Variants in TNS3 observed in about 807,000 individuals in gnomAD.
TNS3 encodes tensin-3.
A neutral mutation model predicts 140.9 loss-of-function variants in TNS3; 45 were observed. The observed-to-expected ratio is 0.32, with a 90% CI of 0.25 to 0.41. The LOEUF (loss-of-function observed/expected upper bound fraction) is 0.41. Among genes scored for constraint, TNS3 ranks in the 10% least tolerant of loss-of-function variants. The probability of loss-of-function intolerance (pLI) is 1.00; values close to 1 mark genes in which losing one functional copy is unlikely to be tolerated. For missense variants in TNS3, 1,716 were observed against 1,906.7 expected, an observed-to-expected ratio of 0.90 and a Z score of 1.86; for synonymous variants, 815 against 788.4, an observed-to-expected ratio of 1.03 and a Z score of -0.56.
At chr7:47,520,268 C>A (rs1467303112) in intron 2 of TNS3, among the ~76,000 whole-genome samples, 2 of 152,142 alleles carry the variant, frequency 1.3e-5, no homozygotes, top group Non-Finnish European at 2.9e-5. Flanking sequence ...TGCCCCCCTG[C>A]CACACCTAGG....
At chr7:47,532,158 C>T (rs1001605747) in intron 1 of TNS3, among the ~76,000 whole-genome samples, 4 of 152,252 alleles carry the variant, frequency 2.6e-5, no homozygotes, top group African/African-American at 9.6e-5. Flanking sequence ...CATCTCAGAG[C>T]GGGATTGGGG....
In TNS3 at chr7:47,361,428, C is replaced by T. The variant is rs1790324977; in HGVS notation, c.2281+6937G>A. On this transcript the variant is annotated intron_variant, in intron 17 of 30. Transcript: ENST00000311160. ...CATCTGCCTGGTAAGGATCCCTCTG[C>T]CTCACAAGGCCTGGCTGAGAGGCTC... Among the ~76,000 whole-genome samples, 3 of 152,238 alleles carry T rather than the reference C, an allele frequency of 2.0e-5. No homozygotes were observed. The South Asian group carries it at 6.2e-4, about 32-fold the overall frequency.
At chr7:47,568,226 G>A (rs961405597) in intron 1 of TNS3, among the ~76,000 whole-genome samples, 2 of 152,154 alleles carry the variant, frequency 1.3e-5, no homozygotes, top group Admixed American at 6.5e-5. Context: ...AGGGAGAGGC[G>A]AGCCAGGCCA....
intron 2 of TNS3, among the ~76,000 whole-genome samples, chr7:47,525,283 C>T (rs1365770036): frequency 6.6e-6 from 1 of 152,172 alleles, no homozygotes; most frequent in Admixed American, 6.5e-5. Flanking sequence ...GGCGGGAAAG[C>T]ATCATTACCA....
intron 1 of TNS3, among the ~76,000 whole-genome samples, chr7:47,543,341 G>A (rs1799840936): frequency 1.3e-5 from 2 of 152,204 alleles, no homozygotes; most frequent in Admixed American, 1.3e-4. Flanking sequence ...GGGCCATGCT[G>A]GAGGGGGAAG....
At chr7:47,548,570 G>C (rs1413411981) in intron 1 of TNS3, among the ~76,000 whole-genome samples, 4 of 152,118 alleles carry the variant, frequency 2.6e-5, no homozygotes, top group African/African-American at 9.7e-5. Flanking sequence ...TTTCTTCCCT[G>C]GTCGCTGTGA....
At chr7:47,467,772 A>T (rs78666035) in intron 4 of TNS3, among the ~76,000 whole-genome samples, 1 of 152,296 alleles carries the variant, frequency 6.6e-6, no homozygotes, top group Non-Finnish European at 1.5e-5. Context: ...ATAAGAAAAC[A>T]GAAGGTTAGA....
intron 20 of TNS3, among the ~76,000 whole-genome samples, chr7:47,307,410 A>C (rs1786821635): frequency 6.6e-6 from 1 of 152,188 alleles, no homozygotes; most frequent in South Asian, 2.1e-4. Flanking sequence ...GTTGATGGAC[A>C]CTTGGGTTGT....
At chr7:47,337,795 C>T (rs559516379) in intron 20 of TNS3, among the ~76,000 whole-genome samples, 1 of 152,316 alleles carries the variant, frequency 6.6e-6, no homozygotes, top group Non-Finnish European at 1.5e-5. Context: ...CCTGGCTCCA[C>T]CTTCCCGACC....
intron 3 of TNS3, among the ~76,000 whole-genome samples, chr7:47,505,783 G>A (rs929192161): frequency 6.6e-6 from 1 of 152,222 alleles, no homozygotes; most frequent in African/African-American, 2.4e-5. Context: ...GAGCACAAAT[G>A]TGTTTGTGTG....
At chr7:47,454,848 G>A (rs930498766) in intron 4 of TNS3, among the ~76,000 whole-genome samples, 3 of 152,186 alleles carry the variant, frequency 2.0e-5, no homozygotes, top group African/African-American at 7.2e-5. Context: ...TCTAGAAGGT[G>A]ACAACATTGT....
chr7:47,419,640 TC>T (rs1422753811), intron 10 of TNS3, among the ~76,000 whole-genome samples: 9 of 152,338 alleles, frequency 5.9e-5, no homozygotes, highest in African/African-American at 2.2e-4. Flanking sequence ...AAAAGATTAC[TC>T]TGGGGATCAC....
intron 20 of TNS3, among the ~76,000 whole-genome samples, chr7:47,342,162 C>T (rs1440236901): frequency 2.0e-5 from 3 of 152,156 alleles, no homozygotes; most frequent in Admixed American, 1.3e-4. Context: ...TCCCTTGGCC[C>T]TGAAGTCCAT....
At chr7:47,532,763 CATAAGACTATT>C (rs1799453490) in intron 1 of TNS3, among the ~76,000 whole-genome samples, 1 of 152,110 alleles carries the variant, frequency 6.6e-6, no homozygotes, top group South Asian at 2.1e-4. Flanking sequence ...CCAAAGATCC[CATAAGACTATT>C]ATAAGGCTCT....
At chr7:47,447,269 T>TGTTTG (rs1215640092) in intron 4 of TNS3, among the ~76,000 whole-genome samples, 1 of 151,992 alleles carries the variant, frequency 6.6e-6, no homozygotes, top group Non-Finnish European at 1.5e-5. Flanking sequence ...TTTGTTTGTT[T>TGTTTG]GTTTGTTTGT....
At chr7:47,422,245 A>AAACATCC (rs1229206009) in intron 10 of TNS3, among the ~76,000 whole-genome samples, 32 of 152,334 alleles carry the variant, frequency 2.1e-4, no homozygotes, top group African/African-American at 7.7e-4. Context: ...TGAATCCAGC[A>AAACATCC]AGCATTAAAA....
At chr7:47,332,104 G>A (rs572823122) in intron 20 of TNS3, among the ~76,000 whole-genome samples, 28 of 152,294 alleles carry the variant, frequency 1.8e-4, no homozygotes, top group African/African-American at 6.5e-4. Flanking sequence ...AAAAAGAATG[G>A]GTGCATTTTG....
chr7:47,566,761 C>T (rs927061630), intron 1 of TNS3, among the ~76,000 whole-genome samples: 2 of 152,072 alleles, frequency 1.3e-5, no homozygotes, highest in East Asian at 1.9e-4. Flanking sequence ...ATCTCATGGC[C>T]GGGCACGGTA....
At chr7:47,351,192 CATTAGT>C (rs1401713268) in intron 17 of TNS3, among the ~76,000 whole-genome samples, 1 of 152,174 alleles carries the variant, frequency 6.6e-6, no homozygotes, top group African/African-American at 2.4e-5. Flanking sequence ...TCTAATTTTG[CATTAGT>C]ATTAGTTCCT....
Sources: gnomAD v4.1 joint callset for allele counts (sites outside exome capture counted in the v4.1 genomes callset) on GRCh38, gnomAD v4.1.1 for gene constraint, MANE v1.5 for transcripts, NCBI Gene and HGNC (gene_info 2026-07-23, HGNC 2026-07-21) for gene names.